The following KCTD1 variants were observed in gnomAD, a reference collection of about 807,000 sequenced individuals.
KCTD1 encodes potassium channel tetramerization domain containing 1, also known as BTB/POZ domain-containing protein KCTD1.
KCTD1 carries 24 observed loss-of-function variants against 66.0 expected under a neutral mutation model. The ratio of observed to expected loss-of-function variants is 0.36; its 90% CI spans 0.26 to 0.51. The LOEUF (loss-of-function observed/expected upper bound fraction) is 0.51, where lower values mean the gene tolerates loss of function less well. Among genes scored for constraint, KCTD1 ranks in the 20% least tolerant of loss-of-function variants. KCTD1 has a pLI of 0.95. For missense variants in KCTD1, 943 were observed against 1,205.2 expected (o/e 0.78, Z 3.22); for synonymous variants, 511 against 517.2 (o/e 0.99, Z 0.16).
chr18:26,636,416 A>G (rs1987724643), intron 1 of KCTD1, among the ~76,000 whole-genome samples: 1 of 152,046 alleles, frequency 6.6e-6, no homozygotes, highest in South Asian at 2.1e-4. Context: ...AGGGCTCCTC[A>G]CATTGCAGCA....
At chr18:26,542,222 C>T (rs760489783) in intron 1 of KCTD1, among the ~76,000 whole-genome samples, 1 of 152,152 alleles carries the variant, frequency 6.6e-6, no homozygotes, top group Non-Finnish European at 1.5e-5. Flanking sequence ...GTTAAAGCTA[C>T]GTTTTCTTTC....
chr18:26,546,856 C>T lies in KCTD1; in HGVS notation c.1681G>A (p.Glu561Lys), dbSNP rs1454986856. 2.0e-6 allele frequency: 3 copies of T among 1,511,746 alleles called. No homozygotes were observed. In the Admixed American group the frequency reaches 6.8e-5, roughly 34 times the overall value. The allele number at this position is 1,511,746 out of a possible 1,614,324, so 93.6% of individuals were successfully genotyped here. ...ACCACCACCACCGCATCCACAGGCT[C>T]CGAGGGGCGGATACAAAGTCTTTTG... ...SPKRLCIRPS[E>K]PVDAVVVVSV... Residue 561 changes from glutamate (E) to lysine (K), a missense_variant, in exon 1 of 5, where the codon GAG (glutamate) becomes AAG (lysine). By Grantham distance (56) the Glu-to-Lys change is moderately conservative (BLOSUM62 1). Coordinates refer to ENST00000580059, the MANE Select transcript of KCTD1 (RefSeq NM_001142730.3).
At chr18:26,575,616 A>G (rs1333542068) in intron 1 of KCTD1, 1 of 152,240 alleles carries the variant, frequency 6.6e-6, no homozygotes, top group Non-Finnish European at 1.5e-5. Flanking sequence ...CTAGCCTGCC[A>G]GCTAGAAAGG....
chr18:26,585,029 G>T (rs892030853), intron 1 of KCTD1, among the ~76,000 whole-genome samples: 4 of 152,084 alleles, frequency 2.6e-5, no homozygotes, highest in African/African-American at 9.7e-5. Flanking sequence ...GGTGTGTCCT[G>T]CTTCTGACTT....
intron 1 of KCTD1, among the ~76,000 whole-genome samples, chr18:26,657,184 C>T (rs928741097): frequency 6.6e-5 from 10 of 151,772 alleles, no homozygotes; most frequent in Admixed American, 3.9e-4. Flanking sequence ...GCGGCGGCCC[C>T]TGCCCCGCCG....
At chr18:26,514,282 G>C (rs1210088266) in intron 1 of KCTD1, among the ~76,000 whole-genome samples, 1 of 152,190 alleles carries the variant, frequency 6.6e-6, no homozygotes, top group Non-Finnish European at 1.5e-5. Flanking sequence ...GCCAAGCACA[G>C]TGGCTCATGC....
At chr18:26,550,623 G>A (rs1985527350), upstream of KCTD1, among the ~76,000 whole-genome samples, 2 of 142,582 alleles carry the variant, frequency 1.4e-5, no homozygotes, top group Non-Finnish European at 3.1e-5. The surrounding 1 kb of genome is among the most constrained non-coding windows in gnomAD (Gnocchi z 5.4). Flanking sequence ...TCATCCGCCC[G>A]GCTCTCCGCG....
At chr18:26,532,233 ATTCTTT>A (rs1170999105) in intron 1 of KCTD1, among the ~76,000 whole-genome samples, 38 of 131,090 alleles carry the variant, frequency 2.9e-4, no homozygotes, top group Admixed American at 1.9e-3. Context: ...TTCCTTTTTT[ATTCTTT>A]TTCTTTTTCT....
intron 1 of KCTD1, among the ~76,000 whole-genome samples, chr18:26,652,720 T>C (rs1189077183): frequency 2.6e-5 from 4 of 152,138 alleles, no homozygotes; most frequent in South Asian, 2.1e-4. Context: ...CCAGACCCAA[T>C]TGTTGAACAA....
intron 1 of KCTD1, among the ~76,000 whole-genome samples, chr18:26,593,769 C>T (rs1598957760): frequency 1.4e-4 from 10 of 73,586 alleles, no homozygotes; most frequent in Non-Finnish European, 2.3e-4. Context: ...AGGAGAAGGA[C>T]AAGGAGGGAG....
At chr18:26,514,097 T>G (rs779190907) in intron 1 of KCTD1, among the ~76,000 whole-genome samples, 27 of 152,352 alleles carry the variant, frequency 1.8e-4, no homozygotes, top group Non-Finnish European at 2.6e-4. Flanking sequence ...TCTAGAATAT[T>G]AGTCTGAAAG....
At chr18:26,466,630 G>C (rs1364972025) in intron 3 of KCTD1, among the ~76,000 whole-genome samples, 1 of 152,144 alleles carries the variant, frequency 6.6e-6, no homozygotes, top group African/African-American at 2.4e-5. Flanking sequence ...ATGTTACTTT[G>C]AGCTTGACAG....
chr18:26,613,116 G>A (rs1455350256), intron 1 of KCTD1, among the ~76,000 whole-genome samples: 1 of 152,204 alleles, frequency 6.6e-6, no homozygotes, highest in Admixed American at 6.5e-5. Context: ...TGACAGGAGT[G>A]CAATACGTAT....
chr18:26,473,243 G>A (rs1296879787), intron 3 of KCTD1, among the ~76,000 whole-genome samples: 1 of 152,168 alleles, frequency 6.6e-6, no homozygotes, highest in African/African-American at 2.4e-5. Context: ...AAAAAGGAAT[G>A]AGATCATGTC....
At chr18:26,574,032 G>A (rs1456107082) in intron 1 of KCTD1, among the ~76,000 whole-genome samples, 1 of 152,220 alleles carries the variant, frequency 6.6e-6, no homozygotes, top group Non-Finnish European at 1.5e-5. Context: ...CCACTGACAC[G>A]TGTTGGCCAT....
intron 1 of KCTD1, among the ~76,000 whole-genome samples, chr18:26,538,899 G>A (rs768293721): frequency 3.3e-5 from 5 of 152,172 alleles, no homozygotes; most frequent in Admixed American, 6.5e-5. Context: ...CCCAGACCCA[G>A]CAAAGGCTGG....
At chr18:26,511,906 C>T (rs1290394605) in intron 1 of KCTD1, among the ~76,000 whole-genome samples, 1 of 152,152 alleles carries the variant, frequency 6.6e-6, no homozygotes, top group East Asian at 1.9e-4. Context: ...GTGGACACCT[C>T]CCCTGCCACA....
At position 26,485,445 on chromosome 18, in the gene KCTD1, T is replaced by C. The variant is rs537088452; in HGVS notation, c.1989-8786A>G. 3.3e-5 allele frequency among the ~76,000 whole-genome samples: 5 copies of C among 152,350 alleles called. No individual in the cohort carries two copies. The South Asian group carries it at 8.3e-4, about 25-fold the overall frequency. ...TGCATCCTTGGGAGACAGTGTGCTA[T>C]GCCAAAACAGAATTCTGACTGAATA... On this transcript the variant is annotated intron_variant, in intron 2 of 4. Coordinates refer to ENST00000580059, the MANE Select transcript of KCTD1 (RefSeq NM_001142730.3).
intron 1 of KCTD1, among the ~76,000 whole-genome samples, chr18:26,570,471 T>C (rs183665285): frequency 6.6e-6 from 1 of 152,218 alleles, no homozygotes; most frequent in Non-Finnish European, 1.5e-5. Context: ...TTCAGTGGTG[T>C]GATCATAGCT....
Sources: allele counts gnomAD v4.1 joint callset (sites outside exome capture counted in the v4.1 genomes callset), GRCh38; gene constraint gnomAD v4.1.1; non-coding constraint Gnocchi (gnomAD v3.1); transcripts MANE v1.5; gene names NCBI Gene and HGNC (gene_info 2026-07-23, HGNC 2026-07-21).